Variants in TRABD2B observed in about 807,000 individuals in gnomAD.
TRABD2B encodes the protein metalloprotease TIKI2.
TRABD2B carries 14 observed loss-of-function variants against 40.1 expected under a neutral mutation model. The ratio of observed to expected loss-of-function variants is 0.35; its 90% CI spans 0.23 to 0.55. The LOEUF (loss-of-function observed/expected upper bound fraction) is 0.55. Among genes scored for constraint, TRABD2B ranks in the 20% least tolerant of loss-of-function variants. TRABD2B has a pLI of 0.90. For missense variants in TRABD2B, 541 were observed against 648.6 expected (o/e 0.83, Z 1.80); for synonymous variants, 263 against 277.0 (o/e 0.95, Z 0.50).
At chr1:47,933,207 G>A (rs998839270) in intron 2 of TRABD2B, among the ~76,000 whole-genome samples, 2 of 151,128 alleles carry the variant, frequency 1.3e-5, no homozygotes, top group Non-Finnish European at 2.9e-5. Context: ...CTGAGTTCAC[G>A]CCATTCTCCT....
At chr1:47,876,821 G>C (rs1017342940) in intron 2 of TRABD2B, among the ~76,000 whole-genome samples, 2 of 152,180 alleles carry the variant, frequency 1.3e-5, no homozygotes, top group African/African-American at 2.4e-5. Context: ...AGCACCAACT[G>C]TTTGCCAGGC....
At chr1:47,919,236 T>A (rs1644869001) in intron 2 of TRABD2B, among the ~76,000 whole-genome samples, 1 of 152,244 alleles carries the variant, frequency 6.6e-6, no homozygotes, top group Non-Finnish European at 1.5e-5. Flanking sequence ...TAAATAAATG[T>A]ACAGATGGGA....
At chr1:47,979,509 T>G (rs972724872) in intron 2 of TRABD2B, among the ~76,000 whole-genome samples, 3 of 152,192 alleles carry the variant, frequency 2.0e-5, no homozygotes, top group Non-Finnish European at 4.4e-5. Flanking sequence ...CCAAGGGGGC[T>G]GAGCGAGGGG....
rs1454618949 is a variant in TRABD2B at position 47,766,068 on chromosome 1, G to A, written c.1388C>T (p.Thr463Ile). 2.9e-6 allele frequency: 2 copies of A among 699,676 alleles called. No individual in the cohort carries two copies. Among genetic ancestry groups the A allele is most frequent in the Non-Finnish European group, 5.2e-6 (2 of 383,364 alleles). The allele number at this position is 699,676 out of a possible 1,614,324, so 43.3% of individuals were successfully genotyped here. A position where few individuals can be genotyped will look rare whatever the true frequency, so the allele number is the denominator to read the frequency against. ...GGGCTTGGCGGTCCCCGAGCTGTGG[G>A]TGGGCTGCAGGGGCAGCGGGGGTGG... ...ASPPPLPLQP[T>I]HSSGTAKPPF... Residue 463 changes from threonine to isoleucine, a missense_variant, in exon 7 of 7, where the codon ACC (threonine) becomes ATC (isoleucine). Physicochemically the swap from Thr to Ile is moderately conservative, Grantham distance 89. Coordinates refer to ENST00000606738, the MANE Select transcript of TRABD2B (RefSeq NM_001194986.2).
intron 2 of TRABD2B, among the ~76,000 whole-genome samples, chr1:47,922,261 C>T (rs940513823): frequency 6.6e-6 from 1 of 152,200 alleles, no homozygotes; most frequent in Non-Finnish European, 1.5e-5. Flanking sequence ...CTTGCTATCT[C>T]TACCAAGAAT....
intron 4 of TRABD2B, among the ~76,000 whole-genome samples, chr1:47,790,718 T>C (rs1275563745): frequency 1.3e-5 from 2 of 152,260 alleles, no homozygotes; most frequent in Admixed American, 1.3e-4. Context: ...TCATCTTCCC[T>C]GAGGCTTTGT....
At chr1:47,821,268 C>T (rs138535700) in intron 2 of TRABD2B, among the ~76,000 whole-genome samples, 119 of 152,304 alleles carry the variant, frequency 7.8e-4, no homozygotes, top group African/African-American at 2.4e-3. Flanking sequence ...GAGAGGTGGA[C>T]AGAGAAACAT....
At chr1:47,769,097 G>C (rs555517882) in intron 6 of TRABD2B, among the ~76,000 whole-genome samples, 2 of 152,354 alleles carry the variant, frequency 1.3e-5, no homozygotes, top group South Asian at 4.1e-4. Context: ...CTCAGCCCCT[G>C]GAGGGGATTA....
chr1:47,779,032 C>T (rs1305283582), intron 4 of TRABD2B, among the ~76,000 whole-genome samples: 1 of 152,178 alleles, frequency 6.6e-6, no homozygotes, highest in East Asian at 1.9e-4. Context: ...TAAGTTCTAC[C>T]AGCAACTCAG....
intron 2 of TRABD2B, among the ~76,000 whole-genome samples, chr1:47,936,903 A>G (rs1224231307): frequency 6.6e-6 from 1 of 151,832 alleles, no homozygotes; most frequent in East Asian, 1.9e-4. Context: ...CATCACCATC[A>G]TGATCATCAC....
At chr1:47,900,751 C>G (rs570127005) in intron 2 of TRABD2B, among the ~76,000 whole-genome samples, 1 of 152,288 alleles carries the variant, frequency 6.6e-6, no homozygotes, top group East Asian at 1.9e-4. Flanking sequence ...CTGTGCCTCA[C>G]CTGATGCCAA....
chr1:47,846,857 T>TATACACACACACACACACACACAC (rs374941615), intron 2 of TRABD2B, among the ~76,000 whole-genome samples: 5 of 106,386 alleles, frequency 4.7e-5, no homozygotes, highest in Non-Finnish European at 1.1e-4. Flanking sequence ...AAAACATGCA[T>TATACACACACACACACACACACAC]ACACACACAC....
intron 2 of TRABD2B, among the ~76,000 whole-genome samples, chr1:47,944,401 T>C (rs973049197): frequency 5.9e-5 from 9 of 152,012 alleles, no homozygotes; most frequent in Non-Finnish European, 1.3e-4. Flanking sequence ...GAAATAACCA[T>C]TAGGAAGTGT....
chr1:47,989,417 T>C (rs1645967557), intron 2 of TRABD2B, among the ~76,000 whole-genome samples: 1 of 152,216 alleles, frequency 6.6e-6, no homozygotes, highest in African/African-American at 2.4e-5. Context: ...AATCCATTCA[T>C]GCTCCCAATA....
intron 5 of TRABD2B, 140 bp from the exon 6 acceptor site, chr1:47,775,579 G>T: frequency 2.3e-6 from 2 of 887,494 alleles, no homozygotes; most frequent in Non-Finnish European, 3.0e-6. Context: ...GGTGACAGCA[G>T]CCCAGGAAAA....
Position 47,894,095 on chromosome 1 carries a change from C to T in TRABD2B, c.667-92476G>A, listed in dbSNP as rs561850673. The stretch of plus-strand genomic sequence containing the variant: ...TCAAATACTATTATTGAGGGCTCGG[C>T]GCATGGGGAGGCACTGTTCTGTATG... On this transcript the variant is annotated intron_variant, in intron 2 of 6. Coordinates refer to ENST00000606738, the MANE Select transcript of TRABD2B (RefSeq NM_001194986.2). 1.3e-4 allele frequency among the ~76,000 whole-genome samples: 20 copies of T among 152,130 alleles called. No individual in the cohort carries two copies. The South Asian group carries it at 2.5e-3, about 19-fold the overall frequency.
chr1:47,851,728 T>A (rs1320829690), intron 2 of TRABD2B, among the ~76,000 whole-genome samples: 1 of 152,202 alleles, frequency 6.6e-6, no homozygotes, highest in Non-Finnish European at 1.5e-5. Context: ...TGTGTGTACA[T>A]ATCCCACAGA....
Position 47,765,743 on chromosome 1 carries a change from T to C in TRABD2B, c.*159A>G. ...TAAGATCCTTCTACAAAAAAGAAGATGTAACTTGGGTACAGTAAAGCTCTA... is the reference window on the plus strand; with the variant it reads ...TAAGATCCTTCTACAAAAAAGAAGACGTAACTTGGGTACAGTAAAGCTCTA... On this transcript the variant is annotated 3_prime_UTR_variant, in exon 7 of 7. Coordinates refer to ENST00000606738, the MANE Select transcript of TRABD2B (RefSeq NM_001194986.2). 2 of 643,088 alleles carry C rather than the reference T, an allele frequency of 3.1e-6. No homozygotes were observed. Among genetic ancestry groups the C allele is most frequent in the Non-Finnish European group, 5.6e-6 (2 of 356,684 alleles). The allele number at this position is 643,088 out of a possible 1,614,324, so 39.8% of individuals were successfully genotyped here. A position where few individuals can be genotyped will look rare whatever the true frequency, so the allele number is the denominator to read the frequency against.
Position 47,765,744 on chromosome 1 carries a change from G to T in TRABD2B, c.*158C>A. 2 of 643,354 alleles carry T rather than the reference G, an allele frequency of 3.1e-6. No individual in the cohort carries two copies. Among genetic ancestry groups the T allele is most frequent in the Non-Finnish European group, 5.6e-6 (2 of 356,824 alleles). 39.9% of individuals were successfully genotyped at this position (643,354 alleles called of 1,614,324 possible). A position where few individuals can be genotyped will look rare whatever the true frequency, so the allele number is the denominator to read the frequency against. The stretch of plus-strand genomic sequence containing the variant: ...AAGATCCTTCTACAAAAAAGAAGAT[G>T]TAACTTGGGTACAGTAAAGCTCTAG... On this transcript the variant is annotated 3_prime_UTR_variant, in exon 7 of 7. Transcript: ENST00000606738.
Sources: gnomAD v4.1 joint callset for allele counts (sites outside exome capture counted in the v4.1 genomes callset) on GRCh38, gnomAD v4.1.1 for gene constraint, MANE v1.5 for transcripts, NCBI Gene and HGNC (gene_info 2026-07-23, HGNC 2026-07-21) for gene names.